The following XYLB variants were observed in gnomAD, a reference collection of about 807,000 sequenced individuals.
XYLB encodes xylulokinase, also known as xylulose kinase.
Under a neutral mutation model 78.7 loss-of-function variants are expected in XYLB, and 62 were observed. That is an observed-to-expected ratio of 0.79 (90% confidence interval 0.64 to 0.97). The LOEUF is 0.97. Among genes scored for constraint, XYLB ranks in the 50% least tolerant of loss-of-function variants. The probability of loss-of-function intolerance (pLI) is 0.00; values close to 1 mark genes in which losing one functional copy is unlikely to be tolerated. For missense variants in XYLB, 687 were observed against 676.8 expected (o/e 1.02, Z -0.17); for synonymous variants, 245 against 247.4 (o/e 0.99, Z 0.09).
Position 38,368,218 on chromosome 3 carries a change from C to G in XYLB, c.607C>G (p.Leu203Val), listed in dbSNP as rs1706364229. The G allele has an allele frequency of 6.2e-7, 1 of 1,614,162 alleles. No individual in the cohort carries two copies. The highest frequency in any genetic ancestry group is 1.3e-5 in the African/African-American group (1 of 75,036). ...ISLVSSFAAS[L>V]FLGSYSPIDY... ...TTTGGTCAGTAGCTTTGCTGCTTCC[C>G]TGTTCCTTGGCTCTTACTCCCCTAT... The change falls in exon 8 of 19, where the codon CTG (leucine) becomes GTG (valine). Residue 203 changes from leucine to valine, a missense_variant. Coordinates refer to ENST00000207870, the MANE Select transcript of XYLB (RefSeq NM_005108.4).
chr3:38,434,306 T>G, the XYLB span, among the ~76,000 whole-genome samples: 1 of 152,160 alleles, frequency 6.6e-6, no homozygotes, highest in Non-Finnish European at 1.5e-5. Context: ...TAATGATTGA[T>G]TCCTAAAAAC....
downstream of XYLB, among the ~76,000 whole-genome samples, chr3:38,424,185 C>G (rs1283046162): frequency 6.6e-6 from 1 of 152,120 alleles, no homozygotes; most frequent in Non-Finnish European, 1.5e-5. Context: ...TTGATTTTTC[C>G]AACTCAGCAT....
rs1390708784 is a variant in XYLB at position 38,389,601 on chromosome 3, C to T, written c.1292-5904C>T. Among the ~76,000 whole-genome samples, 19 of 150,936 alleles carry T rather than the reference C, an allele frequency of 1.3e-4. 1 individual carries two copies. Among genetic ancestry groups the T allele is most frequent in the Admixed American group, 1.1e-3 (16 of 15,228 alleles). ...GCTGACCCCCCACCTCCCTCCCGGA[C>T]GGGGCGGCTGGCCGGGTTTTTTTTT... On this transcript the variant is annotated intron_variant, in intron 15 of 18. Coordinates refer to ENST00000207870, the MANE Select transcript of XYLB (RefSeq NM_005108.4).
chr3:38,418,903 A>G (rs77612900), downstream of XYLB, among the ~76,000 whole-genome samples: 3,848 of 152,262 alleles, frequency 0.025, 153 homozygotes, highest in East Asian at 0.16. Flanking sequence ...ATTCCATGGT[A>G]TGTTGAATTA....
At position 38,364,399 on chromosome 3, in the gene XYLB, G is replaced by C. The variant is rs115855005; in HGVS notation, c.292-800G>C. On this transcript the variant is annotated intron_variant, in intron 4 of 18. Transcript: ENST00000207870. Reference sequence around the variant, plus strand: ...CTCCCACAAGCCTTTAATACATTCAGCTCTGTGCACGCTGCTCCCCCTGGT... The same window carrying C: ...CTCCCACAAGCCTTTAATACATTCACCTCTGTGCACGCTGCTCCCCCTGGT... Among the ~76,000 whole-genome samples the C allele has an allele frequency of 4.4e-3, 672 of 151,924 alleles. 7 individuals are homozygous for C. Among genetic ancestry groups the C allele is most frequent in the African/African-American group, 0.016 (642 of 41,388 alleles).
At chr3:38,366,919 T>C in intron 7 of XYLB, 46 bp downstream of exon 7, 1 of 1,319,586 alleles carries the variant, frequency 7.6e-7, no homozygotes, top group East Asian at 2.3e-5. Flanking sequence ...GTTGAATTCT[T>C]TTCATAATAT....
chr3:38,395,505 T>C lies in XYLB; in HGVS notation c.1292T>C (p.Met431Thr), dbSNP rs144408974. ...IHAEGLGYRV[M>T]SKTKILATGG... is the part of the protein sequence containing the mutation. ...TTTACTTTTTTCTTTTCCCTTGCAG[T>C]GTCCAAGACAAAGATTTTGGCCACA... The change falls in exon 16 of 19, where the codon ATG (methionine) becomes ACG (threonine). Residue 431 changes from methionine to threonine, a missense_variant and splice_region_variant. By Grantham distance (81) the Met-to-Thr change is moderately conservative. Transcript: ENST00000207870. The C allele has an allele frequency of 1.6e-5, 26 of 1,614,214 alleles. No homozygotes were observed. In the African/African-American group the frequency reaches 3.2e-4, roughly 20 times the overall value.
intron 9 of XYLB, among the ~76,000 whole-genome samples, chr3:38,371,520 C>T (rs1350779086): frequency 1.3e-5 from 2 of 152,068 alleles, no homozygotes; most frequent in East Asian, 1.9e-4. Context: ...GTGATCTGCC[C>T]GCCTCGGCCT....
At chr3:38,412,816 G>A (rs922848143) in intron 18 of XYLB, 120 bp from the exon 19 acceptor site, 20 of 790,702 alleles carry the variant, frequency 2.5e-5, no homozygotes, top group African/African-American at 9.2e-5. Context: ...GCTTTCTTTC[G>A]CCCAGAAAAA....
At chr3:38,389,617 G>GT (rs1397564920) in intron 15 of XYLB, among the ~76,000 whole-genome samples, 7 of 151,538 alleles carry the variant, frequency 4.6e-5, no homozygotes, top group African/African-American at 1.2e-4. Context: ...GGCTGGCCGG[G>GT]TTTTTTTTTG....
rs1256756541 is a variant in XYLB, at chr3:38,362,858, C to T, written c.211-79C>T. On this transcript the variant is annotated intron_variant, in intron 3 of 18. Transcript: ENST00000207870. ...GAGTACTCTGCTGTAATGGCAGGCA[C>T]TTGCGTTTCAATTCTGAGGCTTGCG... 6.3e-6 allele frequency: 8 copies of T among 1,267,256 alleles called. No homozygotes were observed. In the East Asian group the frequency reaches 2.2e-4, roughly 35 times the overall value. 78.5% of individuals were successfully genotyped at this position (1,267,256 alleles called of 1,614,324 possible).
the XYLB span, among the ~76,000 whole-genome samples, chr3:38,442,965 C>T: frequency 1.3e-5 from 2 of 152,076 alleles, no homozygotes; most frequent in Non-Finnish European, 2.9e-5. Context: ...ACTTGTTCCC[C>T]ATATTCACGT....
chr3:38,363,046 T>C, intron 4 of XYLB, 29 bp downstream of exon 4: 2 of 1,509,048 alleles, frequency 1.3e-6, no homozygotes, highest in Non-Finnish European at 1.8e-6. Context: ...CTGTCTGCCA[T>C]GTGAGGGTGA....
At chr3:38,392,025 C>T (rs1456595707) in intron 15 of XYLB, among the ~76,000 whole-genome samples, 1 of 152,182 alleles carries the variant, frequency 6.6e-6, no homozygotes, top group African/African-American at 2.4e-5. Context: ...TAGTAGCCCA[C>T]TTTCACTAAT....
chr3:38,411,648 A>T lies in XYLB; in HGVS notation c.1534-1288A>T, dbSNP rs906181197. 1.9e-4 allele frequency among the ~76,000 whole-genome samples: 22 copies of T among 118,916 alleles called. No homozygotes were observed. The East Asian group carries it at 1.9e-3, about 10-fold the overall frequency. 78.0% of individuals were successfully genotyped at this position (118,916 alleles called of 152,430 possible). Reference sequence around the variant, plus strand: ...TTAAGTCTTCTTAGATAAAGGATTTAAAAAAAAAAAAAACCCTTTCCTATT... The same window carrying T: ...TTAAGTCTTCTTAGATAAAGGATTTTAAAAAAAAAAAAACCCTTTCCTATT... On this transcript the variant is annotated intron_variant, in intron 18 of 18. Coordinates refer to ENST00000207870, the MANE Select transcript of XYLB (RefSeq NM_005108.4).
intron 2 of XYLB, among the ~76,000 whole-genome samples, chr3:38,353,880 C>T (rs1319919101): frequency 1.0e-3 from 41 of 40,916 alleles, no homozygotes; most frequent in Non-Finnish European, 2.2e-3. Flanking sequence ...AAGTGAGACT[C>T]CATATAAAAA....
At chr3:38,440,465 C>A in the XYLB span, among the ~76,000 whole-genome samples, 1 of 152,150 alleles carries the variant, frequency 6.6e-6, no homozygotes, top group African/African-American at 2.4e-5. Flanking sequence ...TTACTGAATA[C>A]CCATTGTGTC....
At chr3:38,367,727 A>C (rs1025060195) in intron 7 of XYLB, among the ~76,000 whole-genome samples, 1 of 152,198 alleles carries the variant, frequency 6.6e-6, no homozygotes, top group Non-Finnish European at 1.5e-5. Flanking sequence ...GCTAGTGCTC[A>C]GGGTCTGTGG....
intron 2 of XYLB, among the ~76,000 whole-genome samples, chr3:38,355,345 C>A (rs113888013): frequency 0.032 from 4,854 of 152,318 alleles, 114 homozygotes; most frequent in African/African-American, 0.062. Flanking sequence ...TAACTGACTG[C>A]AGATGTATGA....
Sources: allele counts gnomAD v4.1 joint callset (sites outside exome capture counted in the v4.1 genomes callset), GRCh38; gene constraint gnomAD v4.1.1; transcripts MANE v1.5; gene names NCBI Gene and HGNC (gene_info 2026-07-23, HGNC 2026-07-21).